The following RBFOX1 variants were observed in gnomAD, a reference collection of about 807,000 sequenced individuals.
The protein encoded by RBFOX1 is RNA binding protein fox-1 homolog 1.
In RBFOX1, 8 loss-of-function variants were observed where a neutral mutation model predicts 57.7. That is an observed-to-expected ratio of 0.14 (90% CI 0.08 to 0.25). RBFOX1 has a LOEUF of 0.25. RBFOX1 is among the 10% of genes least tolerant of loss of function. The pLI is 1.00. For synonymous variants in RBFOX1, 326 were observed against 222.4 expected (o/e 1.47, Z -4.15); for missense variants, 611 against 548.5 (o/e 1.11, Z -1.14).
At chr16:6,889,534 TACTC>T (rs1487877890) in intron 3 of RBFOX1, among the ~76,000 whole-genome samples, 3 of 152,204 alleles carry the variant, frequency 2.0e-5, no homozygotes, top group Non-Finnish European at 4.4e-5. Context: ...ACTGCAGTGT[TACTC>T]ACCCTGTCTT....
chr16:6,089,065 CA>C (rs5815283), intron 1 of RBFOX1, among the ~76,000 whole-genome samples: 15,816 of 138,054 alleles, frequency 0.11, 1,011 homozygotes, highest in East Asian at 0.17. Flanking sequence ...AACTCTGTCT[CA>C]AAAAAAAAAA....
rs113011704 is a variant in RBFOX1 at position 5,379,201 on chromosome 16, G to C, written c.220-88015G>C. The stretch of plus-strand genomic sequence containing the variant: ...TCTCAAGGCACTGACGGGGACCACA[G>C]TGAATTTAAGTCTAAAATTTAATCA... On this transcript the variant is annotated intron_variant, in intron 1 of 2. Transcript: ENST00000585867. 7.9e-3 allele frequency among the ~76,000 whole-genome samples: 1,198 copies of C among 151,788 alleles called. 39 individuals carry two copies. The highest frequency in any genetic ancestry group is 0.034 in the Middle Eastern group (10 of 292).
At chr16:5,400,648 T>C (rs1360251002) in intron 1 of RBFOX1, among the ~76,000 whole-genome samples, 1 of 151,638 alleles carries the variant, frequency 6.6e-6, no homozygotes, top group Non-Finnish European at 1.5e-5. Context: ...AATTTCCCCT[T>C]CCAGTTGGGC....
At chr16:7,551,439 T>C (rs966137869) in intron 5 of RBFOX1, among the ~76,000 whole-genome samples, 1 of 152,116 alleles carries the variant, frequency 6.6e-6, no homozygotes, top group Non-Finnish European at 1.5e-5. Context: ...AAATAAGGAA[T>C]ATTTGGGGCG....
At chr16:6,638,728 G>C (rs2098463858) in intron 2 of RBFOX1, among the ~76,000 whole-genome samples, 1 of 152,094 alleles carries the variant, frequency 6.6e-6, no homozygotes, top group Non-Finnish European at 1.5e-5. Flanking sequence ...AAAAAATTGA[G>C]AGGAAAAACA....
intron 3 of RBFOX1, among the ~76,000 whole-genome samples, chr16:5,834,863 C>G (rs1451964570): frequency 6.6e-6 from 1 of 152,010 alleles, no homozygotes; most frequent in East Asian, 1.9e-4. Context: ...GGTAGCTATC[C>G]AGTGGTGGGA....
At position 7,000,169 on chromosome 16, in the gene RBFOX1, G is replaced by GA. The variant is rs1019312934; in HGVS notation, c.-15-51879dup. On this transcript the variant is annotated intron_variant, in intron 3 of 15. Transcript: ENST00000550418. ...CAATTAGAATATGAGAATTCTTAAG[G>GA]AAAAAAAAAGTACTGTCATTAGCGT... Among the ~76,000 whole-genome samples, 5 of 150,680 alleles carry GA rather than the reference G, an allele frequency of 3.3e-5. No homozygotes were observed. In the South Asian group the frequency reaches 6.3e-4, roughly 19 times the overall value.
At position 6,292,486 on chromosome 16, in the gene RBFOX1, G is replaced by A. The variant is rs759706047; in HGVS notation, c.-126-24509G>A. ...CAATAATTCAGTGTCAAATACATACGTTTGAATACTGAAAGCAGCCTCTTA... is the reference window on the plus strand; with the variant it reads ...CAATAATTCAGTGTCAAATACATACATTTGAATACTGAAAGCAGCCTCTTA... On this transcript the variant is annotated intron_variant, in intron 1 of 15. Coordinates refer to ENST00000550418, the MANE Select transcript of RBFOX1 (RefSeq NM_018723.4). Among the ~76,000 whole-genome samples the A allele has an allele frequency of 3.1e-4, 47 of 151,618 alleles. 2 individuals carry two copies. Among genetic ancestry groups the A allele is most frequent in the Admixed American group, 2.7e-3 (41 of 15,212 alleles).
intron 4 of RBFOX1, among the ~76,000 whole-genome samples, chr16:7,408,112 A>G (rs2098378053): frequency 6.6e-6 from 1 of 152,210 alleles, no homozygotes. Context: ...CCAGAACACA[A>G]CACTCTCACA....
At chr16:6,579,153 T>C (rs2097494271) in intron 2 of RBFOX1, among the ~76,000 whole-genome samples, 2 of 152,236 alleles carry the variant, frequency 1.3e-5, no homozygotes, top group Admixed American at 1.3e-4. Context: ...TAATGTTTTA[T>C]GCCAAGCTGT....
chr16:7,085,019 G>T lies in RBFOX1; in HGVS notation c.27+32921G>T, dbSNP rs573671357. ...CCATGCATCCCACTAATATGTCAGTGTCTTACTCAGAATGGAAATACTGAA... is the reference window on the plus strand; with the variant it reads ...CCATGCATCCCACTAATATGTCAGTTTCTTACTCAGAATGGAAATACTGAA... On this transcript the variant is annotated intron_variant, in intron 4 of 15. Transcript: ENST00000550418. 1.2e-4 allele frequency among the ~76,000 whole-genome samples: 18 copies of T among 152,210 alleles called. No homozygotes were observed. In the South Asian group the frequency reaches 3.7e-3, roughly 32 times the overall value.
intron 3 of RBFOX1, among the ~76,000 whole-genome samples, chr16:6,858,015 C>G (rs1019616951): frequency 6.6e-6 from 1 of 152,134 alleles, no homozygotes; most frequent in African/African-American, 2.4e-5. Flanking sequence ...ATGGAAAAGG[C>G]AAGGCTTTTC....
At chr16:6,697,522 G>T (rs879379012) in intron 3 of RBFOX1, among the ~76,000 whole-genome samples, 33 of 152,176 alleles carry the variant, frequency 2.2e-4, no homozygotes, top group African/African-American at 8.0e-4. Flanking sequence ...TTATAAATCT[G>T]CTTTCCATTG....
intron 3 of RBFOX1, among the ~76,000 whole-genome samples, chr16:6,731,672 G>A (rs1279007404): frequency 6.6e-6 from 1 of 152,068 alleles, no homozygotes; most frequent in African/African-American, 2.4e-5. Context: ...GGATAATGCT[G>A]AGGCACACGT....
At chr16:6,692,150 C>T (rs1410122454) in intron 3 of RBFOX1, among the ~76,000 whole-genome samples, 2 of 152,114 alleles carry the variant, frequency 1.3e-5, no homozygotes, top group African/African-American at 4.8e-5. Context: ...AACATATTCT[C>T]CTATTTTACA....
chr16:6,283,392 G>A (rs1038831373), intron 1 of RBFOX1, among the ~76,000 whole-genome samples: 1 of 152,074 alleles, frequency 6.6e-6, no homozygotes, highest in African/African-American at 2.4e-5. Context: ...TCCTACTACA[G>A]TGAATGGGCT....
At position 6,372,982 on chromosome 16, in the gene RBFOX1, A is replaced by G. The variant is rs74007311; in HGVS notation, c.-64+55925A>G. ...TTGGGTGGAAGTATAGTCGGATGGG[A>G]GGGTGGTTGGTAAGGATCTTTGGGT... is the stretch of plus-strand genomic sequence containing the variant. On this transcript the variant is annotated intron_variant, in intron 2 of 15. Transcript: ENST00000550418. Among the ~76,000 whole-genome samples the G allele has an allele frequency of 3.2e-3, 489 of 151,896 alleles. 6 individuals carry two copies. The highest frequency in any genetic ancestry group is 0.011 in the African/African-American group (449 of 41,376).
At chr16:5,995,805 AT>A (rs1188489772) in intron 4 of RBFOX1, among the ~76,000 whole-genome samples, 1 of 152,194 alleles carries the variant, frequency 6.6e-6, no homozygotes, top group African/African-American at 2.4e-5. Context: ...TCACCATTTC[AT>A]TAAGAGGAAA....
chr16:6,453,188 A>G (rs1362982922), intron 2 of RBFOX1, among the ~76,000 whole-genome samples: 1 of 152,122 alleles, frequency 6.6e-6, no homozygotes, highest in Non-Finnish European at 1.5e-5. Flanking sequence ...AGGTATACAC[A>G]TGCCACAGTG....
Sources: gnomAD v4.1 joint callset for allele counts (sites outside exome capture counted in the v4.1 genomes callset) on GRCh38, gnomAD v4.1.1 for gene constraint, MANE v1.5 for transcripts, NCBI Gene and HGNC (gene_info 2026-07-23, HGNC 2026-07-21) for gene names.